Variants in UNC13C observed in about 807,000 individuals in gnomAD.
UNC13C encodes protein unc-13 homolog C.
In UNC13C, 174 loss-of-function variants were observed where a neutral mutation model predicts 245.4. The observed-to-expected ratio is 0.71, with a 90% CI of 0.63 to 0.80. The LOEUF (loss-of-function observed/expected upper bound fraction) is 0.80, where lower values mean the gene tolerates loss of function less well. Ranked by LOEUF, UNC13C falls within the 30% of genes least tolerant of loss-of-function variation. The pLI is 0.00. For synonymous variants in UNC13C, 992 were observed against 895.1 expected, an observed-to-expected ratio of 1.11 and a Z score of -1.93; for missense variants, 2,829 against 2,602.9, an observed-to-expected ratio of 1.09 and a Z score of -1.89.
chr15:53,874,703 C>T, the UNC13C span, among the ~76,000 whole-genome samples: 1 of 152,222 alleles, frequency 6.6e-6, no homozygotes, highest in African/African-American at 2.4e-5. Flanking sequence ...CCAAAGCCGT[C>T]TCTCACATTC....
chr15:54,354,738 C>G (rs1171738570), intron 17 of UNC13C, among the ~76,000 whole-genome samples: 2 of 152,098 alleles, frequency 1.3e-5, no homozygotes, highest in Non-Finnish European at 2.9e-5. Context: ...TACTGTTACT[C>G]AAAGAAAACA....
At position 54,218,626 on chromosome 15, in the gene UNC13C, G is replaced by A. The variant is rs75875719; in HGVS notation, c.3072-16404G>A. Among the ~76,000 whole-genome samples, 1,428 of 151,886 alleles carry A rather than the reference G, an allele frequency of 9.4e-3. 18 individuals are homozygous for A. Among genetic ancestry groups the A allele is most frequent in the African/African-American group, 0.033 (1,367 of 41,460 alleles). ...ATTAAGCCTCACTGGGATGTAAAGG[G>A]GTTTGTTCTATATCCTGTAAGCAAT... On this transcript the variant is annotated intron_variant, in intron 4 of 32. Transcript: ENST00000260323.
At chr15:54,132,882 G>A (rs868199843) in intron 2 of UNC13C, among the ~76,000 whole-genome samples, 62 of 152,266 alleles carry the variant, frequency 4.1e-4, no homozygotes, top group African/African-American at 1.4e-3. Flanking sequence ...AAACTAGATA[G>A]GGTGGAACTC....
At chr15:54,307,486 A>AT (rs2037757290) in intron 13 of UNC13C, among the ~76,000 whole-genome samples, 1 of 152,006 alleles carries the variant, frequency 6.6e-6, no homozygotes, top group Non-Finnish European at 1.5e-5. Flanking sequence ...ACAACTGTTC[A>AT]GACCACAGCA....
chr15:53,963,708 G>A, the UNC13C span, among the ~76,000 whole-genome samples: 1 of 152,162 alleles, frequency 6.6e-6, no homozygotes, highest in Non-Finnish European at 1.5e-5. Context: ...TGAGTCTGCA[G>A]AACTGAAGGA....
intron 2 of UNC13C, among the ~76,000 whole-genome samples, chr15:54,069,378 C>T (rs973650467): frequency 1.3e-5 from 2 of 152,148 alleles, no homozygotes; most frequent in Non-Finnish European, 2.9e-5. Flanking sequence ...TTCTCTCAGG[C>T]AGCCTATAAG....
chr15:54,525,412 C>CAAAAAAAAAAAAA, intron 24 of UNC13C, 137 bp from the exon 25 acceptor site: 1 of 394,066 alleles, frequency 2.5e-6, no homozygotes, highest in East Asian at 4.0e-5. Flanking sequence ...TTTCAAAGAC[C>CAAAAAAAAAAAAA]AAAAAAAAAA....
At chr15:54,512,252 C>G in intron 24 of UNC13C, 1 of 432,666 alleles carries the variant, frequency 2.3e-6, no homozygotes, top group South Asian at 1.7e-5. Flanking sequence ...GTTTATTTTT[C>G]ACATTGAGAA....
intron 19 of UNC13C, among the ~76,000 whole-genome samples, chr15:54,459,148 G>A (rs974399788): frequency 2.6e-5 from 4 of 152,046 alleles, no homozygotes; most frequent in African/African-American, 9.7e-5. Context: ...CTTCATTTAC[G>A]AAGCTTAGTT....
At chr15:54,386,118 A>G (rs1157367199) in intron 17 of UNC13C, among the ~76,000 whole-genome samples, 6 of 152,194 alleles carry the variant, frequency 3.9e-5, no homozygotes, top group African/African-American at 1.4e-4. Flanking sequence ...GTCTGTATAT[A>G]TAAACTCAAC....
chr15:54,533,623 G>A (rs994467214), intron 26 of UNC13C, among the ~76,000 whole-genome samples: 1 of 152,224 alleles, frequency 6.6e-6, no homozygotes, highest in African/African-American at 2.4e-5. Context: ...ATACCATGGA[G>A]ATTACAGTTT....
At chr15:54,489,521 G>A (rs2141079194) in intron 19 of UNC13C, among the ~76,000 whole-genome samples, 1 of 152,308 alleles carries the variant, frequency 6.6e-6, no homozygotes, top group Non-Finnish European at 1.5e-5. Context: ...GTATATGTAT[G>A]CAAGAAGAAA....
chr15:54,237,448 T>G, intron 6 of UNC13C, 171 bp from the exon 7 acceptor site: 1 of 702,364 alleles, frequency 1.4e-6, no homozygotes, highest in Non-Finnish European at 2.6e-6. Context: ...AGTTTTAATA[T>G]TGTATAAGTC....
At chr15:54,433,761 G>A (rs951381246) in intron 19 of UNC13C, among the ~76,000 whole-genome samples, 1 of 152,078 alleles carries the variant, frequency 6.6e-6, no homozygotes, top group African/African-American at 2.4e-5. Flanking sequence ...AAGAAATGAA[G>A]GGTATTCAAA....
intron 2 of UNC13C, among the ~76,000 whole-genome samples, chr15:54,087,710 A>G (rs893597623): frequency 1.6e-4 from 25 of 152,138 alleles, no homozygotes; most frequent in Admixed American, 1.0e-3. Context: ...AGCCTTGTCT[A>G]TGATGCAAAA....
the UNC13C span, among the ~76,000 whole-genome samples, chr15:53,909,478 G>T: frequency 6.8e-6 from 1 of 146,666 alleles, no homozygotes; most frequent in African/African-American, 2.4e-5. Flanking sequence ...CAGTGGCCGG[G>T]CGTGGTGGCT....
chr15:54,496,164 T>A (rs1173319914), intron 20 of UNC13C, among the ~76,000 whole-genome samples: 1 of 152,076 alleles, frequency 6.6e-6, no homozygotes, highest in Non-Finnish European at 1.5e-5. Flanking sequence ...CAAAACAACA[T>A]GTTATACTTG....
chr15:54,377,097 G>A (rs758946338), intron 17 of UNC13C, among the ~76,000 whole-genome samples: 3 of 152,176 alleles, frequency 2.0e-5, no homozygotes, highest in Non-Finnish European at 2.9e-5. Flanking sequence ...CAGGTGCTAG[G>A]AGAGAATCAT....
At chr15:54,567,756 A>G (rs1268509566) in intron 29 of UNC13C, 44 bp from the exon 30 acceptor site, 1 of 1,518,458 alleles carries the variant, frequency 6.6e-7, no homozygotes, top group Non-Finnish European at 8.9e-7. Flanking sequence ...CTGTCTTCCA[A>G]TACTTCTCTC....
Sources: gnomAD v4.1 joint callset for allele counts (sites outside exome capture counted in the v4.1 genomes callset) on GRCh38, gnomAD v4.1.1 for gene constraint, MANE v1.5 for transcripts, NCBI Gene and HGNC (gene_info 2026-07-23, HGNC 2026-07-21) for gene names.